The following FAM178B variants were observed in gnomAD, a reference collection of about 807,000 sequenced individuals.
FAM178B encodes family with sequence similarity 178 member B, also known as protein FAM178B.
FAM178B carries 82 observed loss-of-function variants against 91.7 expected under a neutral mutation model. The ratio of observed to expected loss-of-function variants is 0.89; its 90% confidence interval spans 0.75 to 1.07. The LOEUF (loss-of-function observed/expected upper bound fraction) is 1.07. Among genes scored for constraint, FAM178B ranks in the 50% least tolerant of loss-of-function variants. FAM178B has a pLI of 0.00. For missense variants in FAM178B, 769 were observed against 846.7 expected, an observed-to-expected ratio of 0.91 and a Z score of 1.14; for synonymous variants, 368 against 359.4, an observed-to-expected ratio of 1.02 and a Z score of -0.27.
intron 5 of FAM178B, among the ~76,000 whole-genome samples, 200 bp from the exon 6 acceptor site, chr2:96,960,640 A>AT (rs1559098273): frequency 6.6e-6 from 1 of 152,192 alleles, no homozygotes; most frequent in Non-Finnish European, 1.5e-5. Context: ...TCTCCCATCA[A>AT]TAAGGCCTAT....
chr2:96,924,918 A>C (rs1374696011), intron 9 of FAM178B, among the ~76,000 whole-genome samples: 1 of 151,952 alleles, frequency 6.6e-6, no homozygotes, highest in East Asian at 1.9e-4. Flanking sequence ...CTGGGCTCAG[A>C]GGGGAAGGAG....
intron 8 of FAM178B, among the ~76,000 whole-genome samples, chr2:96,931,531 G>A (rs1394810328): frequency 3.3e-5 from 5 of 152,184 alleles, no homozygotes; most frequent in African/African-American, 1.2e-4. Context: ...CAGAAAAGAC[G>A]GAGGCAGGGC....
rs569588622 is a variant in FAM178B at position 96,895,778 on chromosome 2, C to T, written c.1651-1727G>A. Among the ~76,000 whole-genome samples the T allele has an allele frequency of 1.1e-3, 174 of 152,364 alleles. 1 individual carries two copies. Among genetic ancestry groups the T allele is most frequent in the Non-Finnish European group, 1.9e-3 (128 of 68,038 alleles). ...GGCTTGAGCCCTGCAGCCCAGCCCC[C>T]CTCTTGAGCTTAGCCTGGCTGGCAC... is the stretch of plus-strand genomic sequence containing the variant. On this transcript the variant is annotated intron_variant, in intron 13 of 16. Transcript: ENST00000490605.
At chr2:96,941,818 G>A (rs899789888) in intron 8 of FAM178B, among the ~76,000 whole-genome samples, 3 of 152,192 alleles carry the variant, frequency 2.0e-5, no homozygotes, top group African/African-American at 4.8e-5. Flanking sequence ...TTTTGATCTC[G>A]CTGATAGAGC....
At chr2:96,905,824 A>G (rs1485902306) in intron 12 of FAM178B, among the ~76,000 whole-genome samples, 372 of 17,408 alleles carry the variant, frequency 0.021, 8 homozygotes, top group African/African-American at 0.046. Context: ...GTGTGTATAT[A>G]TATATATATA....
intron 14 of FAM178B, among the ~76,000 whole-genome samples, chr2:96,893,393 T>C (rs2080729672): frequency 6.6e-6 from 1 of 151,906 alleles, no homozygotes; most frequent in Non-Finnish European, 1.5e-5. Context: ...CCACCAGAAC[T>C]TGGCTTTCAG....
At chr2:96,956,584 G>GT (rs1327274375) in intron 6 of FAM178B, 1 of 152,190 alleles carries the variant, frequency 6.6e-6, no homozygotes, top group East Asian at 1.9e-4. Flanking sequence ...TATTTCAAGA[G>GT]TTGATTTTTT....
At chr2:96,903,613 G>A (rs1226726799) in intron 12 of FAM178B, among the ~76,000 whole-genome samples, 2 of 152,232 alleles carry the variant, frequency 1.3e-5, no homozygotes, top group Admixed American at 1.3e-4. Flanking sequence ...CGCCACTACA[G>A]CCACTGGTGG....
At chr2:96,877,135 A>G (rs2080261989) in intron 16 of FAM178B, among the ~76,000 whole-genome samples, 2 of 152,066 alleles carry the variant, frequency 1.3e-5, no homozygotes, top group South Asian at 4.2e-4. Flanking sequence ...TGACTATCAC[A>G]CCTACAGGCT....
intron 1 of FAM178B, among the ~76,000 whole-genome samples, chr2:96,972,843 A>G (rs1435255332): frequency 1.3e-5 from 2 of 151,996 alleles, no homozygotes; most frequent in Non-Finnish European, 2.9e-5. Flanking sequence ...TTTTAGACGG[A>G]GTCTCACTCT....
At chr2:96,894,727 CTACA>C (rs1251475200) in intron 13 of FAM178B, among the ~76,000 whole-genome samples, 1 of 91,842 alleles carries the variant, frequency 1.1e-5, no homozygotes, top group Non-Finnish European at 2.2e-5. Flanking sequence ...ATACACAGAC[CTACA>C]TACACACCCA....
chr2:96,953,491 C>G (rs995256698), intron 6 of FAM178B, among the ~76,000 whole-genome samples: 21 of 152,222 alleles, frequency 1.4e-4, no homozygotes, highest in Non-Finnish European at 2.9e-5. Context: ...CAGATCAACA[C>G]ATTTCTAACT....
At chr2:96,975,992 A>G (rs753201071) in intron 1 of FAM178B, among the ~76,000 whole-genome samples, 15 of 152,172 alleles carry the variant, frequency 9.9e-5, no homozygotes, top group Non-Finnish European at 1.6e-4. Flanking sequence ...CTATAAACCA[A>G]CAGAACACTT....
chr2:96,902,764 A>T, intron 12 of FAM178B, 57 bp from the exon 13 acceptor site: 1 of 1,324,766 alleles, frequency 7.5e-7, no homozygotes, highest in Non-Finnish European at 1.1e-6. Flanking sequence ...GAGCCCGAGC[A>T]GGGGGCAGGA....
intron 8 of FAM178B, among the ~76,000 whole-genome samples, chr2:96,947,041 G>A (rs1354577184): frequency 6.6e-6 from 1 of 152,212 alleles, no homozygotes; most frequent in Non-Finnish European, 1.5e-5. Context: ...GCTCTGGGGT[G>A]AGCAGCCTAC....
At chr2:96,971,323 C>T (rs974194251) in intron 3 of FAM178B, among the ~76,000 whole-genome samples, 1 of 149,188 alleles carries the variant, frequency 6.7e-6, no homozygotes, top group African/African-American at 2.5e-5. Flanking sequence ...TCCCTCTGTC[C>T]CCCTCTCCCT....
chr2:96,940,976 C>T (rs943463746), intron 8 of FAM178B, among the ~76,000 whole-genome samples: 9 of 152,198 alleles, frequency 5.9e-5, no homozygotes, highest in African/African-American at 1.2e-4. Flanking sequence ...TGTGGCCTCT[C>T]CAGACACCAG....
intron 12 of FAM178B, among the ~76,000 whole-genome samples, chr2:96,908,651 C>T (rs1286314912): frequency 2.0e-5 from 3 of 152,178 alleles, no homozygotes; most frequent in African/African-American, 7.2e-5. Flanking sequence ...TTCTGGGGAG[C>T]GGCAGACATT....
intron 14 of FAM178B, among the ~76,000 whole-genome samples, chr2:96,882,423 AG>A (rs1387033403): frequency 6.6e-6 from 1 of 152,214 alleles, no homozygotes; most frequent in Non-Finnish European, 1.5e-5. Context: ...GGTGCAGGGC[AG>A]GCAGGGGTGG....
Sources: allele counts gnomAD v4.1 joint callset (sites outside exome capture counted in the v4.1 genomes callset), GRCh38; gene constraint gnomAD v4.1.1; transcripts MANE v1.5; gene names NCBI Gene and HGNC (gene_info 2026-07-23, HGNC 2026-07-21).